Variants in CNTRL observed in about 807,000 individuals in gnomAD.
The protein encoded by CNTRL is 110 kDa centrosomal protein.
In CNTRL, 233 loss-of-function variants were observed where a neutral mutation model predicts 303.7. The observed-to-expected ratio is 0.77, with a 90% confidence interval of 0.69 to 0.86. The LOEUF (loss-of-function observed/expected upper bound fraction) is 0.86, where lower values mean the gene tolerates loss of function less well. Among genes scored for constraint, CNTRL ranks in the 40% least tolerant of loss-of-function variants. CNTRL has a pLI of 0.00. For missense variants in CNTRL, 2,524 were observed against 2,650.6 expected (o/e 0.95, Z 1.05); for synonymous variants, 900 against 922.2 (o/e 0.98, Z 0.44).
At position 121,135,946 on chromosome 9, in the gene CNTRL, C is replaced by G; in HGVS notation, c.2166C>G (p.Leu722=). 1 of 1,612,170 alleles carries G rather than the reference C, an allele frequency of 6.2e-7. No individual in the cohort carries two copies. Among genetic ancestry groups the G allele is most frequent in the Non-Finnish European group, 8.5e-7 (1 of 1,178,730 alleles). Residue 722 remains leucine, a synonymous_variant, in exon 15 of 44, where the codon CTC becomes CTG. Transcript: ENST00000373855. ...TAAGGGATGCTGAAGCCAACCAGCT[C>G]AAGGAAGAGTTGGAAAAAGTAACAA... ...LNLRDAEANQ[L]KEELEKVTRL...
chr9:121,098,413 C>T lies in CNTRL; in HGVS notation c.649C>T (p.Leu217Phe). The T allele has an allele frequency of 6.2e-7, 1 of 1,612,448 alleles. No homozygotes were observed. Among genetic ancestry groups the T allele is most frequent in the Non-Finnish European group, 8.5e-7 (1 of 1,178,836 alleles). The change falls in exon 7 of 44, where the codon CTT (leucine) becomes TTT (phenylalanine). Residue 217 changes from leucine to phenylalanine, a missense_variant. Transcript: ENST00000373855. ...CCAAGATATAAGCAAGTTGAAACCG[C>T]TTCAAGATTTGATTTCTCTGATCCT... ...SLQDISKLKP[L>F]QDLISLILVE... is the part of the protein sequence containing the mutation.
intron 39 of CNTRL, 94 bp from the exon 40 acceptor site, chr9:121,171,314 G>A: frequency 7.3e-7 from 1 of 1,370,266 alleles, no homozygotes; most frequent in Non-Finnish European, 1.0e-6. Flanking sequence ...AGGCCCAGAA[G>A]GGGAATGAAG....
Position 121,165,053 on chromosome 9 carries a change from A to G in CNTRL, c.5534A>G (p.Lys1845Arg). The change falls in exon 35 of 44, where the codon AAG (lysine) becomes AGG (arginine). Residue 1845 changes from lysine to arginine, a missense_variant. Coordinates refer to ENST00000373855, the MANE Select transcript of CNTRL (RefSeq NM_007018.6). ...GAACTAGACCAACTAAACAGAGACA[A>G]GTTGTCACTGCATAACGACATTTCA... The part of the protein sequence containing the change: ...QQELDQLNRD[K>R]LSLHNDISAM... The G allele has an allele frequency of 1.2e-6, 2 of 1,606,828 alleles. No homozygotes were observed. The highest frequency in any genetic ancestry group is 1.1e-5 in the South Asian group (1 of 89,746).
chr9:121,110,377 A>G (rs2049693053), intron 8 of CNTRL, among the ~76,000 whole-genome samples: 1 of 152,178 alleles, frequency 6.6e-6, no homozygotes, highest in Non-Finnish European at 1.5e-5. Context: ...ACTCAGAATG[A>G]CAATAAAATA....
At chr9:121,148,014 C>T (rs1307803234) in intron 23 of CNTRL, among the ~76,000 whole-genome samples, 1 of 152,106 alleles carries the variant, frequency 6.6e-6, no homozygotes, top group Non-Finnish European at 1.5e-5. Flanking sequence ...CAGATTTCTT[C>T]GAAGTTCACT....
chr9:121,140,346 C>CT (rs2051431194), intron 16 of CNTRL, among the ~76,000 whole-genome samples: 1 of 152,144 alleles, frequency 6.6e-6, no homozygotes, highest in South Asian at 2.1e-4. Context: ...TTAGATAGTA[C>CT]TACAGAAAGG....
At chr9:121,176,910 G>A (rs2053548993) in intron 43 of CNTRL, among the ~76,000 whole-genome samples, 1 of 150,790 alleles carries the variant, frequency 6.6e-6, no homozygotes, top group African/African-American at 2.4e-5. Context: ...TGCCATCCCT[G>A]CTCACAGGAT....
At chr9:121,095,168 T>C in intron 5 of CNTRL, 150 bp downstream of exon 5, 1 of 616,782 alleles carries the variant, frequency 1.6e-6, no homozygotes, top group East Asian at 3.2e-5. Flanking sequence ...GTCTGTCTCT[T>C]CACATATGGT....
intron 20 of CNTRL, 54 bp downstream of exon 20, chr9:121,144,136 C>A: frequency 2.1e-6 from 3 of 1,436,152 alleles, no homozygotes; most frequent in Middle Eastern, 1.8e-4. Context: ...TGTCAAAAAA[C>A]ATGGCAACTT....
chr9:121,142,324 C>CAGGA, intron 19 of CNTRL, 54 bp downstream of exon 19: 1 of 1,460,910 alleles, frequency 6.8e-7, no homozygotes, highest in Non-Finnish European at 9.3e-7. Flanking sequence ...AGTGTCCTGC[C>CAGGA]CACTGGCAAC....
intron 7 of CNTRL, among the ~76,000 whole-genome samples, chr9:121,101,743 C>G (rs1375423891): frequency 1.3e-5 from 2 of 152,164 alleles, no homozygotes; most frequent in East Asian, 3.8e-4. Flanking sequence ...CACAGAGATA[C>G]AAACTATCAT....
intron 23 of CNTRL, 97 bp from the exon 24 acceptor site, chr9:121,148,575 C>A: frequency 1.8e-6 from 2 of 1,138,970 alleles, no homozygotes; most frequent in Non-Finnish European, 1.3e-6. Flanking sequence ...TCTTTCTCAA[C>A]CTTGCTACAT....
At position 121,100,167 on chromosome 9, in the gene CNTRL, G is replaced by A. The variant is rs551499367; in HGVS notation, c.808+1595G>A. Among the ~76,000 whole-genome samples, 21 of 152,308 alleles carry A rather than the reference G, an allele frequency of 1.4e-4. 1 individual carries two copies. The highest frequency in any genetic ancestry group is 6.8e-3 in the Middle Eastern group (2 of 294). ...TTAAGGGCAGGCAGAGAGAAAGGTC[G>A]GGTTACCCACAAGGGAAGCCCATCA... On this transcript the variant is annotated intron_variant, in intron 7 of 43. Transcript: ENST00000373855.
intron 35 of CNTRL, among the ~76,000 whole-genome samples, chr9:121,165,594 TA>T: frequency 6.6e-6 from 1 of 152,340 alleles, no homozygotes; most frequent in Non-Finnish European, 1.5e-5. Context: ...GAACATTTTT[TA>T]TATCCTTGGT....
At chr9:121,087,944 A>T (rs752265433) in intron 2 of CNTRL, among the ~76,000 whole-genome samples, 1 of 152,212 alleles carries the variant, frequency 6.6e-6, no homozygotes, top group African/African-American at 2.4e-5. Context: ...GAGAGTGCTC[A>T]TCAGTATTAA....
Position 121,125,838 on chromosome 9 carries a change from C to T in CNTRL, c.1927C>T (p.Arg643Trp), listed in dbSNP as rs1298286719. The T allele has an allele frequency of 3.7e-6, 6 of 1,614,092 alleles. No individual in the cohort carries two copies. The highest frequency in any genetic ancestry group is 2.2e-5 in the East Asian group (1 of 44,888). The change falls in exon 14 of 44, where the codon CGG becomes TGG. Residue 643 changes from arginine to tryptophan, a missense_variant. By Grantham distance (101) the Arg-to-Trp change is moderately radical. Coordinates refer to ENST00000373855, the MANE Select transcript of CNTRL (RefSeq NM_007018.6). The stretch of plus-strand genomic sequence containing the variant: ...GGCCCAGAATGAGTGCAGGAAGCTG[C>T]GGGATGAGAAAGAGACATTGTTGCA... ...TQAQNECRKLRDEKETLLQRL... is the reference protein window; with the variant it reads ...TQAQNECRKLWDEKETLLQRL...
At chr9:121,140,126 AG>A (rs956951241) in intron 16 of CNTRL, among the ~76,000 whole-genome samples, 47 of 152,326 alleles carry the variant, frequency 3.1e-4, no homozygotes, top group African/African-American at 1.1e-3. Context: ...ATGTTGATAT[AG>A]GGGCTCTCTC....
At chr9:121,109,108 T>C (rs1489865687) in intron 8 of CNTRL, among the ~76,000 whole-genome samples, 3 of 152,160 alleles carry the variant, frequency 2.0e-5, no homozygotes, top group Non-Finnish European at 4.4e-5. Flanking sequence ...TTATGTAAAA[T>C]GGTGTAGTAT....
chr9:121,107,329 A>T (rs1350947462), intron 7 of CNTRL, among the ~76,000 whole-genome samples: 1 of 152,190 alleles, frequency 6.6e-6, no homozygotes, highest in East Asian at 1.9e-4. Flanking sequence ...ATGCTTGAAG[A>T]TGAGGCAGAA....
Sources: allele counts gnomAD v4.1 joint callset (sites outside exome capture counted in the v4.1 genomes callset), GRCh38; gene constraint gnomAD v4.1.1; transcripts MANE v1.5; gene names NCBI Gene and HGNC (gene_info 2026-07-23, HGNC 2026-07-21).